The following MB21D2 variants were observed in gnomAD, a reference collection of about 807,000 sequenced individuals.
MB21D2 encodes nucleotidyltransferase MB21D2.
Under a neutral mutation model 33.3 loss-of-function variants are expected in MB21D2, and 9 were observed. That is an observed-to-expected ratio of 0.27 (90% CI 0.16 to 0.47). The LOEUF (loss-of-function observed/expected upper bound fraction) is 0.47. Ranked by LOEUF, MB21D2 falls within the 20% of genes least tolerant of loss-of-function variation. The pLI is 0.99. For missense variants in MB21D2, 540 were observed against 624.6 expected (o/e 0.86, Z 1.44); for synonymous variants, 241 against 236.3 (o/e 1.02, Z -0.18).
At chr3:192,894,104 C>G (rs1413094884) in intron 1 of MB21D2, among the ~76,000 whole-genome samples, 1 of 151,984 alleles carries the variant, frequency 6.6e-6, no homozygotes, top group Non-Finnish European at 1.5e-5. Context: ...TCTTCTCTCC[C>G]CAGCAAATTT....
At chr3:192,806,195 A>G (rs1293620231) in intron 1 of MB21D2, among the ~76,000 whole-genome samples, 1 of 152,212 alleles carries the variant, frequency 6.6e-6, no homozygotes, top group Non-Finnish European at 1.5e-5. Context: ...CCTGAACTAA[A>G]TTAGCACTTT....
intron 1 of MB21D2, among the ~76,000 whole-genome samples, chr3:192,809,327 C>T (rs758165824): frequency 4.3e-4 from 65 of 152,168 alleles, no homozygotes; most frequent in Middle Eastern, 3.2e-3. Context: ...ATCTTTTGAC[C>T]TCGTGATCCG....
chr3:192,807,991 T>C (rs902141875), intron 1 of MB21D2, among the ~76,000 whole-genome samples: 1 of 152,118 alleles, frequency 6.6e-6, no homozygotes, highest in Non-Finnish European at 1.5e-5. Flanking sequence ...GGCGCTTTTC[T>C]TTCCTTAACT....
At chr3:192,812,183 G>A (rs542261411) in intron 1 of MB21D2, among the ~76,000 whole-genome samples, 1 of 152,116 alleles carries the variant, frequency 6.6e-6, no homozygotes, top group East Asian at 1.9e-4. Context: ...GAGTAGCTGG[G>A]ACTACAGATG....
At chr3:192,873,560 A>G (rs532742278) in intron 1 of MB21D2, among the ~76,000 whole-genome samples, 107 of 152,222 alleles carry the variant, frequency 7.0e-4, no homozygotes, top group Middle Eastern at 3.4e-3. Flanking sequence ...CCTACCATTC[A>G]GCCCATTTCA....
chr3:192,851,131 C>T (rs1215768543), intron 1 of MB21D2, among the ~76,000 whole-genome samples: 1 of 152,096 alleles, frequency 6.6e-6, no homozygotes, highest in Non-Finnish European at 1.5e-5. Context: ...CAAGATATGG[C>T]TCCTATAAAC....
intron 1 of MB21D2, among the ~76,000 whole-genome samples, chr3:192,805,505 G>C (rs1255111768): frequency 6.6e-6 from 1 of 152,136 alleles, no homozygotes; most frequent in Non-Finnish European, 1.5e-5. Flanking sequence ...GTATGGTAAT[G>C]GTAATGCCCT....
At chr3:192,811,373 G>A (rs567898270) in intron 1 of MB21D2, among the ~76,000 whole-genome samples, 2 of 152,148 alleles carry the variant, frequency 1.3e-5, no homozygotes, top group Non-Finnish European at 2.9e-5. Context: ...TGGGTGGGGG[G>A]TGTAAAGCAG....
intron 1 of MB21D2, among the ~76,000 whole-genome samples, chr3:192,884,453 GCC>G (rs1713679501): frequency 6.6e-6 from 1 of 150,932 alleles, no homozygotes; most frequent in Non-Finnish European, 1.5e-5. Context: ...TGCAAGCTCC[GCC>G]TCCCGGGTTC....
intron 1 of MB21D2, among the ~76,000 whole-genome samples, chr3:192,872,387 G>T (rs796948955): frequency 8.0e-4 from 122 of 151,930 alleles, no homozygotes; most frequent in African/African-American, 2.8e-3. Flanking sequence ...CCATCATGGC[G>T]AACACGGTGA....
At chr3:192,834,330 CAAACA>C (rs1294525522) in intron 1 of MB21D2, among the ~76,000 whole-genome samples, 3 of 143,388 alleles carry the variant, frequency 2.1e-5, no homozygotes, top group Non-Finnish European at 4.6e-5. Context: ...AAAAAAAAAC[CAAACA>C]AAACAAAACA....
chr3:192,893,440 A>G (rs552040411), intron 1 of MB21D2, among the ~76,000 whole-genome samples: 2 of 152,322 alleles, frequency 1.3e-5, no homozygotes, highest in African/African-American at 4.8e-5. Context: ...CAGACCAGGA[A>G]GGGAAGCCTA....
chr3:192,897,317 G>A (rs35941299), intron 1 of MB21D2, among the ~76,000 whole-genome samples: 1 of 151,500 alleles, frequency 6.6e-6, no homozygotes, highest in African/African-American at 2.4e-5. Flanking sequence ...CAAAGACCCA[G>A]GTTTCCTGAC....
At chr3:192,849,682 C>G (rs897349288) in intron 1 of MB21D2, among the ~76,000 whole-genome samples, 1 of 152,176 alleles carries the variant, frequency 6.6e-6, no homozygotes, top group Non-Finnish European at 1.5e-5. Context: ...TCTACTTCAA[C>G]CTTTTTTCAT....
intron 1 of MB21D2, among the ~76,000 whole-genome samples, chr3:192,899,162 G>C (rs568035822): frequency 2.0e-5 from 3 of 152,214 alleles, no homozygotes; most frequent in Non-Finnish European, 2.9e-5. Flanking sequence ...TGGTAAAACG[G>C]AAGTGGTTAT....
chr3:192,798,163 T>A lies in MB21D2; in HGVS notation c.*223A>T. 9.9e-6 allele frequency: 5 copies of A among 507,330 alleles called. No individual in the cohort carries two copies. The highest frequency in any genetic ancestry group is 1.4e-5 in the Non-Finnish European group (4 of 291,786). The allele number at this position is 507,330 out of a possible 1,614,324, so 31.4% of individuals were successfully genotyped here. On this transcript the variant is annotated 3_prime_UTR_variant, in exon 2 of 2. Transcript: ENST00000392452. The surrounding 1 kb of genome is among the most constrained non-coding windows in gnomAD (Gnocchi z 4.8). ...AAAAACTCCAACAAACTAAAGAGCA[T>A]GACAATAACTACAAAAAGTAAACAA...
rs1713083913 is a variant in MB21D2 at position 192,862,972 on chromosome 3, G to C, written c.211+54658C>G. 2.0e-5 allele frequency among the ~76,000 whole-genome samples: 3 copies of C among 152,230 alleles called. No individual in the cohort carries two copies. In the South Asian group the frequency reaches 6.2e-4, roughly 32 times the overall value. On this transcript the variant is annotated intron_variant, in intron 1 of 1. Coordinates refer to ENST00000392452, the MANE Select transcript of MB21D2 (RefSeq NM_178496.4). ...GAAGTGGCTCCTTGAGGCCTCTTTT[G>C]TAAGGGCACTAATCCCACTGACAAG...
intron 1 of MB21D2, among the ~76,000 whole-genome samples, chr3:192,890,649 T>G (rs1338360069): frequency 6.6e-6 from 1 of 151,812 alleles, no homozygotes; most frequent in Non-Finnish European, 1.5e-5. Context: ...TTCCCGACTG[T>G]GCAGGTACAA....
At chr3:192,882,001 C>A (rs1266390209) in intron 1 of MB21D2, among the ~76,000 whole-genome samples, 5 of 152,146 alleles carry the variant, frequency 3.3e-5, no homozygotes, top group African/African-American at 1.2e-4. Context: ...CTAAAGGGAA[C>A]TCTTGCCTGG....
Sources: allele counts gnomAD v4.1 joint callset (sites outside exome capture counted in the v4.1 genomes callset), GRCh38; gene constraint gnomAD v4.1.1; non-coding constraint Gnocchi (gnomAD v3.1); transcripts MANE v1.5; gene names NCBI Gene and HGNC (gene_info 2026-07-23, HGNC 2026-07-21).